Variants in PCDH9 observed in about 807,000 individuals in gnomAD.
PCDH9 encodes protocadherin-9.
A neutral mutation model predicts 70.6 loss-of-function variants in PCDH9; 24 were observed. The ratio of observed to expected loss-of-function variants is 0.34; its 90% CI spans 0.25 to 0.48. PCDH9 has a LOEUF of 0.48. PCDH9 is among the 20% of genes least tolerant of loss of function. The pLI is 0.99. For synonymous variants in PCDH9, 562 were observed against 558.5 expected, an observed-to-expected ratio of 1.01 and a Z score of -0.09; for missense variants, 1,281 against 1,503.6, an observed-to-expected ratio of 0.85 and a Z score of 2.45.
At chr13:66,972,307 C>G (rs1253748760) in intron 2 of PCDH9, among the ~76,000 whole-genome samples, 4 of 151,790 alleles carry the variant, frequency 2.6e-5, no homozygotes, top group Non-Finnish European at 5.9e-5. Flanking sequence ...ACCAAATATA[C>G]AAGAATAATT....
intron 4 of PCDH9, among the ~76,000 whole-genome samples, chr13:66,606,387 T>C (rs1361176424): frequency 6.6e-6 from 1 of 152,054 alleles, no homozygotes; most frequent in Admixed American, 6.5e-5. Flanking sequence ...TCCATTCCAA[T>C]AGGAGAAGCT....
chr13:66,370,653 G>A (rs1956633711), intron 4 of PCDH9, among the ~76,000 whole-genome samples: 1 of 151,510 alleles, frequency 6.6e-6, no homozygotes, highest in South Asian at 2.1e-4. Flanking sequence ...TGGGACTACA[G>A]GTACATGCCA....
At chr13:66,891,295 C>T (rs995693702) in intron 3 of PCDH9, among the ~76,000 whole-genome samples, 4 of 152,046 alleles carry the variant, frequency 2.6e-5, no homozygotes, top group Non-Finnish European at 5.9e-5. Context: ...TCTCTAAATA[C>T]ATTCAGAATC....
At chr13:66,539,178 A>G (rs920413904) in intron 4 of PCDH9, among the ~76,000 whole-genome samples, 2 of 152,098 alleles carry the variant, frequency 1.3e-5, no homozygotes, top group Admixed American at 1.3e-4. Context: ...CTTCTCAGAA[A>G]AATAGTTTAC....
At chr13:66,362,237 A>T (rs1956483357) in intron 4 of PCDH9, among the ~76,000 whole-genome samples, 1 of 152,172 alleles carries the variant, frequency 6.6e-6, no homozygotes, top group Non-Finnish European at 1.5e-5. Context: ...TTATGGGTTT[A>T]AACTCAGTCT....
At position 66,615,862 on chromosome 13, in the gene PCDH9, G is replaced by T. The variant is rs1362171398; in HGVS notation, c.3340+15348C>A. On this transcript the variant is annotated intron_variant, in intron 4 of 4. Coordinates refer to ENST00000377865, the MANE Select transcript of PCDH9 (RefSeq NM_203487.3). ...ATTTGAAGCATGTTTCTCCCTGACT[G>T]GTTCCTCTAAAATTTGGAAACTATC... Among the ~76,000 whole-genome samples the T allele has an allele frequency of 2.0e-5, 3 of 152,132 alleles. No homozygotes were observed. In the East Asian group the frequency reaches 5.8e-4, roughly 29 times the overall value.
At position 66,838,673 on chromosome 13, in the gene PCDH9, G is replaced by A. The variant is rs554999922; in HGVS notation, c.3138+64831C>T. Among the ~76,000 whole-genome samples the A allele has an allele frequency of 1.4e-4, 21 of 151,932 alleles. No individual in the cohort carries two copies. The East Asian group carries it at 2.1e-3, about 15-fold the overall frequency. ...ATGTTTGCATTTTAATATTACAGTC[G>A]AAATAAAATGTATGAGTTTATAGCC... On this transcript the variant is annotated intron_variant, in intron 3 of 4. Coordinates refer to ENST00000377865, the MANE Select transcript of PCDH9 (RefSeq NM_203487.3).
Position 66,706,198 on chromosome 13 carries a change from C to G in PCDH9, c.3139-74787G>C, listed in dbSNP as rs112210955. On this transcript the variant is annotated intron_variant, in intron 3 of 4. Transcript: ENST00000377865. ...AGAAAACAGGGAGTTAAAGCAAGGC[C>G]ATAAAACTTAGCGGCATCATTATTG... 7.2e-3 allele frequency among the ~76,000 whole-genome samples: 1,102 copies of G among 152,248 alleles called. 13 individuals carry two copies. The highest frequency in any genetic ancestry group is 0.025 in the African/African-American group (1,030 of 41,550).
At chr13:66,661,695 A>C (rs1287931001) in intron 3 of PCDH9, among the ~76,000 whole-genome samples, 1 of 152,234 alleles carries the variant, frequency 6.6e-6, no homozygotes, top group Non-Finnish European at 1.5e-5. Flanking sequence ...AAATAAACAC[A>C]AACACAGATA....
chr13:66,733,861 A>T (rs1196699391), intron 3 of PCDH9, among the ~76,000 whole-genome samples: 1 of 152,186 alleles, frequency 6.6e-6, no homozygotes, highest in Non-Finnish European at 1.5e-5. Flanking sequence ...TTATGAAATA[A>T]CAATGCAATG....
At chr13:66,561,612 G>A (rs1379396703) in intron 4 of PCDH9, among the ~76,000 whole-genome samples, 1 of 152,164 alleles carries the variant, frequency 6.6e-6, no homozygotes, top group Non-Finnish European at 1.5e-5. Context: ...CTAGGTCAGG[G>A]TTTGTGAATG....
chr13:67,215,610 T>C (rs369272674), intron 2 of PCDH9: 44 of 152,180 alleles, frequency 2.9e-4, no homozygotes, highest in African/African-American at 1.0e-3. Context: ...AAAACCATGA[T>C]ATGATGGGCA....
At chr13:66,516,093 AC>A (rs1959720431) in intron 4 of PCDH9, among the ~76,000 whole-genome samples, 1 of 151,998 alleles carries the variant, frequency 6.6e-6, no homozygotes, top group African/African-American at 2.4e-5. Flanking sequence ...GTCCCATCTA[AC>A]TTTTTTTGTT....
intron 2 of PCDH9, among the ~76,000 whole-genome samples, chr13:66,960,394 T>G (rs12430464): frequency 6.6e-6 from 1 of 152,182 alleles, no homozygotes; most frequent in South Asian, 2.1e-4. Flanking sequence ...AATCTACATA[T>G]ATTTCATCTA....
intron 2 of PCDH9, among the ~76,000 whole-genome samples, chr13:66,936,065 C>T (rs1459874580): frequency 1.3e-5 from 2 of 152,170 alleles, no homozygotes; most frequent in African/African-American, 2.4e-5. Context: ...AGCTTGGCAA[C>T]AGAGCGAGAC....
chr13:66,550,130 A>G (rs1837646269), intron 4 of PCDH9, among the ~76,000 whole-genome samples: 1 of 152,210 alleles, frequency 6.6e-6, no homozygotes, highest in African/African-American at 2.4e-5. Flanking sequence ...TTAACTCTTT[A>G]ATTTTAATTT....
At chr13:67,026,715 G>C (rs2084789766) in intron 2 of PCDH9, among the ~76,000 whole-genome samples, 2 of 151,994 alleles carry the variant, frequency 1.3e-5, no homozygotes, top group Admixed American at 1.3e-4. Context: ...CTTCAGCAAA[G>C]TCTCAGGATA....
intron 2 of PCDH9, among the ~76,000 whole-genome samples, chr13:67,022,303 T>G (rs1213080793): frequency 6.6e-6 from 1 of 151,798 alleles, no homozygotes; most frequent in Non-Finnish European, 1.5e-5. Context: ...TGTATTTTTG[T>G]AGAGATGGGG....
Position 67,119,782 on chromosome 13 carries a change from C to T in PCDH9, c.3036+105623G>A, listed in dbSNP as rs572727534. The stretch of plus-strand genomic sequence containing the variant: ...GTGGTTATTAAACAACTAGGACATG[C>T]TGTGGTGGGGTGAGTCAGACAGACA... On this transcript the variant is annotated intron_variant, in intron 2 of 4. Transcript: ENST00000377865. Among the ~76,000 whole-genome samples, 4 of 152,196 alleles carry T rather than the reference C, an allele frequency of 2.6e-5. No individual in the cohort carries two copies. The East Asian group carries it at 7.7e-4, about 29-fold the overall frequency.
Sources: gnomAD v4.1 joint callset for allele counts (sites outside exome capture counted in the v4.1 genomes callset) on GRCh38, gnomAD v4.1.1 for gene constraint, MANE v1.5 for transcripts, NCBI Gene and HGNC (gene_info 2026-07-23, HGNC 2026-07-21) for gene names.